Variants in NFIB observed in about 807,000 individuals in gnomAD.
NFIB encodes the protein nuclear factor I B.
In NFIB, 11 loss-of-function variants were observed where a neutral mutation model predicts 61.5. That is an observed-to-expected ratio of 0.18 (90% CI 0.11 to 0.30). The LOEUF (loss-of-function observed/expected upper bound fraction) is 0.30, where lower values mean the gene tolerates loss of function less well. Among genes scored for constraint, NFIB ranks in the 10% least tolerant of loss-of-function variants. The pLI, the probability that NFIB is intolerant of heterozygous loss-of-function variation, is 1.00. For synonymous variants in NFIB, 260 were observed against 216.5 expected, an observed-to-expected ratio of 1.20 and a Z score of -1.76; for missense variants, 471 against 608.9, an observed-to-expected ratio of 0.77 and a Z score of 2.38.
At chr9:14,448,005 G>C in the NFIB span, among the ~76,000 whole-genome samples, 1 of 152,126 alleles carries the variant, frequency 6.6e-6, no homozygotes, top group Admixed American at 6.5e-5. Flanking sequence ...TACTGATCTG[G>C]CTTTCTATCA....
chr9:14,200,523 A>AT (rs1172033370), intron 2 of NFIB, among the ~76,000 whole-genome samples: 1 of 151,906 alleles, frequency 6.6e-6, no homozygotes, highest in Non-Finnish European at 1.5e-5. Context: ...CAAAATTACT[A>AT]TTTTTTTTAA....
chr9:14,348,962 A>T (rs1297367436), intron 1 of NFIB, among the ~76,000 whole-genome samples: 1 of 152,188 alleles, frequency 6.6e-6, no homozygotes, highest in Non-Finnish European at 1.5e-5. Context: ...TTGCGCTCCA[A>T]CACCCGGCAC....
the NFIB span, among the ~76,000 whole-genome samples, chr9:14,408,521 A>G: frequency 6.6e-6 from 1 of 152,214 alleles, no homozygotes; most frequent in Non-Finnish European, 1.5e-5. Context: ...AAGGGGACAA[A>G]GGGAATTTGC....
intron 1 of NFIB, among the ~76,000 whole-genome samples, chr9:14,370,066 C>T (rs760864894): frequency 2.6e-5 from 4 of 152,184 alleles, no homozygotes; most frequent in Non-Finnish European, 5.9e-5. Flanking sequence ...TTGAACCATT[C>T]GCCATCTCCA....
At chr9:14,440,789 T>G in the NFIB span, among the ~76,000 whole-genome samples, 1 of 152,236 alleles carries the variant, frequency 6.6e-6, no homozygotes. Flanking sequence ...GCTTTGTTCA[T>G]GATGAAGTTT....
chr9:14,470,983 C>A, the NFIB span, among the ~76,000 whole-genome samples: 2 of 152,102 alleles, frequency 1.3e-5, no homozygotes, highest in South Asian at 4.2e-4. Flanking sequence ...TGACCTTGGA[C>A]CTGAAATGGT....
At chr9:14,103,246 G>C (rs1379885063) in intron 10 of NFIB, among the ~76,000 whole-genome samples, 1 of 151,470 alleles carries the variant, frequency 6.6e-6, no homozygotes, top group African/African-American at 2.4e-5. Flanking sequence ...ACCCTATCCA[G>C]CTCTGCTTGG....
chr9:14,098,637 C>G (rs1040177227), intron 10 of NFIB, among the ~76,000 whole-genome samples: 3 of 152,210 alleles, frequency 2.0e-5, no homozygotes, highest in African/African-American at 7.2e-5. Flanking sequence ...CTACCTTAAG[C>G]AGTTCATCAC....
intron 1 of NFIB, among the ~76,000 whole-genome samples, chr9:14,348,356 C>T (rs2061060179): frequency 1.3e-5 from 2 of 151,944 alleles, no homozygotes; most frequent in South Asian, 2.1e-4. Context: ...AAAAAGACCC[C>T]AAATTGGCTG....
At chr9:14,326,355 A>T (rs2060751833) in intron 1 of NFIB, among the ~76,000 whole-genome samples, 1 of 152,250 alleles carries the variant, frequency 6.6e-6, no homozygotes, top group Non-Finnish European at 1.5e-5. Flanking sequence ...CAAGATAGGC[A>T]TCTGCAGTGG....
At chr9:14,318,505 CTTT>C (rs34481505), upstream of NFIB, among the ~76,000 whole-genome samples, 2 of 66,856 alleles carry the variant, frequency 3.0e-5, no homozygotes, top group African/African-American at 6.6e-5. Context: ...CACTCGATGC[CTTT>C]TTTTTTTTTT....
At chr9:14,440,618 A>G in the NFIB span, among the ~76,000 whole-genome samples, 1 of 152,196 alleles carries the variant, frequency 6.6e-6, no homozygotes, top group East Asian at 1.9e-4. Context: ...AACTGATCAG[A>G]CCTTGATAAT....
At position 14,179,805 on chromosome 9, in the gene NFIB, T is replaced by C. The variant is rs775486290; in HGVS notation, c.563-25A>G. On this transcript the variant is annotated intron_variant, in intron 2 of 10. Coordinates refer to ENST00000380953, the MANE Select transcript of NFIB (RefSeq NM_001190737.2). Reference sequence around the variant, plus strand: ...TCTGTAAAGAAATCACAGAAAATGTTTTCTTTTTAATTTGTTTTGAAAGAA... The same window carrying C: ...TCTGTAAAGAAATCACAGAAAATGTCTTCTTTTTAATTTGTTTTGAAAGAA... 1.9e-6 allele frequency: 3 copies of C among 1,610,648 alleles called. No homozygotes were observed. In the Admixed American group the frequency reaches 5.0e-5, roughly 27 times the overall value.
chr9:14,186,306 C>T (rs1049624841), intron 2 of NFIB, among the ~76,000 whole-genome samples: 1 of 152,094 alleles, frequency 6.6e-6, no homozygotes, highest in Admixed American at 6.6e-5. Flanking sequence ...TGATAAAGGG[C>T]CCTTTTGTCA....
At chr9:14,449,805 A>G in the NFIB span, among the ~76,000 whole-genome samples, 3 of 152,012 alleles carry the variant, frequency 2.0e-5, no homozygotes, top group Non-Finnish European at 4.4e-5. Context: ...ATGGTGGTGC[A>G]TGCCTGCAGT....
intron 1 of NFIB, among the ~76,000 whole-genome samples, chr9:14,377,768 T>C (rs1390529990): frequency 1.3e-5 from 2 of 152,250 alleles, no homozygotes; most frequent in Non-Finnish European, 2.9e-5. Context: ...AAATGTAGAC[T>C]GGGTTATAGA....
chr9:14,279,654 G>A (rs1184773005), intron 2 of NFIB, among the ~76,000 whole-genome samples: 1 of 152,072 alleles, frequency 6.6e-6, no homozygotes, highest in Non-Finnish European at 1.5e-5. Context: ...GATATTTATG[G>A]GCCACAACAT....
At chr9:14,123,872 C>T (rs2039286742) in intron 7 of NFIB, among the ~76,000 whole-genome samples, 1 of 151,704 alleles carries the variant, frequency 6.6e-6, no homozygotes, top group Non-Finnish European at 1.5e-5. Flanking sequence ...CTAGTATGTC[C>T]CTCTGCCTCC....
In NFIB at chr9:14,140,225, G is replaced by A. The variant is rs532658260; in HGVS notation, c.925+6464C>T. Among the ~76,000 whole-genome samples the A allele has an allele frequency of 2.0e-5, 3 of 152,266 alleles. No homozygotes were observed. The East Asian group carries it at 5.8e-4, about 29-fold the overall frequency. The stretch of plus-strand genomic sequence containing the variant: ...GTATGGTTACTAAGCTGTCTGCACT[G>A]CCATTTTCTAGGACTTCATTTAATG... On this transcript the variant is annotated intron_variant, in intron 6 of 10. Transcript: ENST00000380953.
Sources: allele counts gnomAD v4.1 joint callset (sites outside exome capture counted in the v4.1 genomes callset), GRCh38; gene constraint gnomAD v4.1.1; transcripts MANE v1.5; gene names NCBI Gene and HGNC (gene_info 2026-07-23, HGNC 2026-07-21).